Variants in CFAP54 observed in about 807,000 individuals in gnomAD.
CFAP54 encodes cilia- and flagella-associated protein 54.
A neutral mutation model predicts 370.4 loss-of-function variants in CFAP54; 290 were observed. That is an observed-to-expected ratio of 0.78 (90% CI 0.71 to 0.86). CFAP54 has a LOEUF of 0.86. CFAP54 is among the 40% of genes least tolerant of loss of function. The pLI is 0.00. For synonymous variants in CFAP54, 1,206 were observed against 1,236.5 expected, an observed-to-expected ratio of 0.98 and a Z score of 0.52; for missense variants, 3,399 against 3,528.7, an observed-to-expected ratio of 0.96 and a Z score of 0.93.
chr12:96,598,238 C>T (rs1956199557), intron 25 of CFAP54, among the ~76,000 whole-genome samples: 1 of 151,970 alleles, frequency 6.6e-6, no homozygotes, highest in South Asian at 2.1e-4. Context: ...ACTATTATTT[C>T]AAGTACCTGG....
intron 15 of CFAP54, among the ~76,000 whole-genome samples, chr12:96,549,371 C>T (rs1052042696): frequency 6.6e-6 from 1 of 152,050 alleles, no homozygotes; most frequent in African/African-American, 2.4e-5. Context: ...GAAACGAGAC[C>T]ATTTATGAAC....
At chr12:96,660,204 A>T (rs1385606593) in intron 38 of CFAP54, among the ~76,000 whole-genome samples, 1 of 152,176 alleles carries the variant, frequency 6.6e-6, no homozygotes, top group African/African-American at 2.4e-5. Flanking sequence ...CAAGAGAAAA[A>T]GAATGGCCCA....
chr12:96,621,492 A>G (rs1956487945), intron 26 of CFAP54, 98 bp from the exon 27 acceptor site: 4 of 851,356 alleles, frequency 4.7e-6, no homozygotes, highest in Non-Finnish European at 6.4e-6. Context: ...TTAGACTGAA[A>G]ACTCTATGGG....
chr12:96,822,530 T>G (rs1245691005), intron 65 of CFAP54, among the ~76,000 whole-genome samples: 1 of 152,052 alleles, frequency 6.6e-6, no homozygotes, highest in African/African-American at 2.4e-5. Flanking sequence ...CTTGAGGAGG[T>G]GAGAATATAC....
intron 60 of CFAP54, among the ~76,000 whole-genome samples, chr12:96,774,496 A>T (rs907700188): frequency 1.2e-4 from 19 of 152,060 alleles, no homozygotes; most frequent in African/African-American, 4.6e-4. Flanking sequence ...GTTCTAATTG[A>T]TCTGTCCATT....
chr12:96,613,634 A>G (rs919778337), intron 26 of CFAP54, among the ~76,000 whole-genome samples: 2 of 152,232 alleles, frequency 1.3e-5, no homozygotes, highest in East Asian at 3.8e-4. Context: ...AGACTAATAA[A>G]GAAGAAAAGA....
intron 40 of CFAP54, among the ~76,000 whole-genome samples, chr12:96,680,814 T>G (rs1307280517): frequency 2.0e-5 from 3 of 152,206 alleles, no homozygotes. Context: ...CTGGGCGCCG[T>G]GGCTCACGCC....
chr12:96,811,644 C>T (rs1958929125), intron 63 of CFAP54, 92 bp from the exon 64 acceptor site: 5 of 659,642 alleles, frequency 7.6e-6, no homozygotes, highest in Non-Finnish European at 9.7e-6. Flanking sequence ...TTTCAAAGTA[C>T]AGTGATATTA....
Position 96,625,761 on chromosome 12 carries a change from T to G in CFAP54, c.3930T>G (p.Leu1310=). Residue 1310 remains leucine (L), a synonymous_variant, in exon 29 of 68, where the codon CTT becomes CTG. Transcript: ENST00000524981. ...CAGGAGGAGAGGACCCTATATTTCTTTATCCTGTAGTTTTGAATTGGTCGG... is the reference window on the plus strand; with the variant it reads ...CAGGAGGAGAGGACCCTATATTTCTGTATCCTGTAGTTTTGAATTGGTCGG... ...ELSGGEDPIF[L]YPVVLNWSVK... The G allele has an allele frequency of 6.5e-7, 1 of 1,535,886 alleles. No individual in the cohort carries two copies. Among genetic ancestry groups the G allele is most frequent in the East Asian group, 2.4e-5 (1 of 40,892 alleles).
At chr12:96,827,586 G>A (rs111204910) in intron 65 of CFAP54, among the ~76,000 whole-genome samples, 1,304 of 10,376 alleles carry the variant, frequency 0.13, 550 homozygotes, top group African/African-American at 0.42. Flanking sequence ...ATAGTGTGCA[G>A]TTATATGTGA....
At chr12:96,506,750 C>T (rs546537736) in intron 3 of CFAP54, among the ~76,000 whole-genome samples, 178 bp from the exon 4 acceptor site, 99 of 152,134 alleles carry the variant, frequency 6.5e-4, no homozygotes, top group African/African-American at 1.5e-3. Flanking sequence ...CCACGCCCAG[C>T]TAATTTTTGT....
chr12:96,842,971 T>G (rs1959238214), intron 66 of CFAP54, among the ~76,000 whole-genome samples: 1 of 152,234 alleles, frequency 6.6e-6, no homozygotes, highest in African/African-American at 2.4e-5. Context: ...AAGAACAGTT[T>G]GCAGCTGCTA....
intron 58 of CFAP54, among the ~76,000 whole-genome samples, chr12:96,762,342 T>C (rs1264777217): frequency 1.3e-5 from 2 of 152,236 alleles, no homozygotes; most frequent in Non-Finnish European, 2.9e-5. Flanking sequence ...TTTCTACATA[T>C]AGGATCATGT....
At chr12:96,695,189 C>G (rs1267244957) in intron 45 of CFAP54, among the ~76,000 whole-genome samples, 1 of 152,234 alleles carries the variant, frequency 6.6e-6, no homozygotes, top group Non-Finnish European at 1.5e-5. Context: ...TCAGCTCTTG[C>G]AAATTGGAGT....
chr12:96,865,316 A>G (rs892627472), intron 67 of CFAP54, among the ~76,000 whole-genome samples: 1 of 152,226 alleles, frequency 6.6e-6, no homozygotes, highest in Non-Finnish European at 1.5e-5. Flanking sequence ...TAACAGAGAT[A>G]TATATCAATC....
intron 32 of CFAP54, among the ~76,000 whole-genome samples, chr12:96,633,564 C>T (rs963491085): frequency 1.2e-4 from 18 of 152,168 alleles, no homozygotes; most frequent in Non-Finnish European, 1.5e-4. Flanking sequence ...TTTTGTTTCA[C>T]TTAGCATAAT....
intron 44 of CFAP54, 38 bp downstream of exon 44, chr12:96,691,348 G>T: frequency 2.1e-6 from 3 of 1,457,676 alleles, no homozygotes; most frequent in Non-Finnish European, 2.8e-6. Flanking sequence ...ATATCACTGG[G>T]ATATTTTGCT....
intron 39 of CFAP54, 133 bp from the exon 40 acceptor site, chr12:96,679,467 G>A: frequency 1.3e-6 from 1 of 797,898 alleles, no homozygotes; most frequent in South Asian, 3.9e-5. Flanking sequence ...AACACCTGCT[G>A]CAGATCTGGG....
intron 67 of CFAP54, among the ~76,000 whole-genome samples, chr12:96,867,704 A>G (rs1049845399): frequency 1.3e-5 from 2 of 152,250 alleles, no homozygotes; most frequent in Admixed American, 6.5e-5. Flanking sequence ...TGGAATCTAA[A>G]AAAGTTAAAC....
Sources: allele counts gnomAD v4.1 joint callset (sites outside exome capture counted in the v4.1 genomes callset), GRCh38; gene constraint gnomAD v4.1.1; transcripts MANE v1.5; gene names NCBI Gene and HGNC (gene_info 2026-07-23, HGNC 2026-07-21).